The following LYPD6B variants were observed in gnomAD, a reference collection of about 807,000 sequenced individuals.
LYPD6B encodes the protein ly6/PLAUR domain-containing protein 6B.
Under a neutral mutation model 22.8 loss-of-function variants are expected in LYPD6B, and 17 were observed. That is an observed-to-expected ratio of 0.75 (90% CI 0.51 to 1.12). LYPD6B has a LOEUF of 1.12. LYPD6B is among the 50% of genes most tolerant of loss of function. The pLI is 0.00. For missense variants in LYPD6B, 221 were observed against 258.3 expected, an observed-to-expected ratio of 0.86 and a Z score of 0.99; for synonymous variants, 106 against 91.6, an observed-to-expected ratio of 1.16 and a Z score of -0.90.
At chr2:149,204,570 GT>G (rs1047109578) in intron 3 of LYPD6B, 18 of 154,378 alleles carry the variant, frequency 1.2e-4, no homozygotes, top group African/African-American at 4.3e-4. Flanking sequence ...TTATATGGTT[GT>G]CAGCTTTTCA....
At chr2:149,072,659 C>T (rs887307062) in intron 1 of LYPD6B, among the ~76,000 whole-genome samples, 12 of 152,096 alleles carry the variant, frequency 7.9e-5, no homozygotes, top group South Asian at 2.1e-4. Flanking sequence ...GCCTCAGCCT[C>T]CCCGGTAGCT....
intron 1 of LYPD6B, among the ~76,000 whole-genome samples, chr2:149,112,565 A>G (rs1184535733): frequency 6.6e-6 from 1 of 152,206 alleles, no homozygotes; most frequent in Non-Finnish European, 1.5e-5. Context: ...TCTGGCTCGC[A>G]TATACATCCC....
chr2:149,050,888 A>G (rs1216834936), intron 1 of LYPD6B, among the ~76,000 whole-genome samples: 1 of 152,162 alleles, frequency 6.6e-6, no homozygotes, highest in Non-Finnish European at 1.5e-5. Context: ...TAAAAACAAT[A>G]ACTTTTTTCT....
rs79120638 is a variant in LYPD6B, at chr2:149,114,127, T to C, written c.-66-16756T>C. On this transcript the variant is annotated intron_variant, in intron 1 of 6. Coordinates refer to ENST00000409642, the MANE Select transcript of LYPD6B (RefSeq NM_177964.5). ...TAGTTGAGGCTCTTGTTTGGTACTT[T>C]ACTCACATACCAGCCTCTAAATTAA... Among the ~76,000 whole-genome samples the C allele has an allele frequency of 3.7e-3, 563 of 152,288 alleles. 5 individuals carry two copies. Among genetic ancestry groups the C allele is most frequent in the African/African-American group, 0.012 (490 of 41,566 alleles).
chr2:149,127,994 AT>A (rs5835281), intron 1 of LYPD6B, among the ~76,000 whole-genome samples: 79,501 of 150,896 alleles, frequency 0.53, 21,138 homozygotes, highest in East Asian at 0.85. Flanking sequence ...GTAAATGATG[AT>A]TTTTTTTTTT....
chr2:149,057,596 G>T (rs957836322), intron 1 of LYPD6B, among the ~76,000 whole-genome samples: 1 of 152,018 alleles, frequency 6.6e-6, no homozygotes, highest in Non-Finnish European at 1.5e-5. Context: ...TTAAATGTTG[G>T]CTTCTCTCTT....
intron 1 of LYPD6B, among the ~76,000 whole-genome samples, chr2:149,092,240 A>T (rs1685689116): frequency 6.6e-6 from 1 of 151,974 alleles, no homozygotes; most frequent in Non-Finnish European, 1.5e-5. Flanking sequence ...TAATGTGTGG[A>T]TAGGGGAGAC....
chr2:149,042,477 A>G (rs1043442670), intron 1 of LYPD6B, among the ~76,000 whole-genome samples: 4 of 152,194 alleles, frequency 2.6e-5, no homozygotes, highest in Non-Finnish European at 4.4e-5. Context: ...GCAGAAGTGG[A>G]GGGCAGCATA....
At chr2:149,039,221 G>A (rs1303942837) in intron 1 of LYPD6B, among the ~76,000 whole-genome samples, 5 of 152,254 alleles carry the variant, frequency 3.3e-5, no homozygotes, top group Non-Finnish European at 1.5e-5. Context: ...AAGAGCGAGC[G>A]TGCCAGCTCC....
rs869074241 is a variant in LYPD6B, at chr2:149,120,383, A to ATTTTTTTTTTT, written c.-66-10491_-66-10481dup. ...TGTGTATATATATATATATATATATATTTTTTTTTTTTTTTTTTTGAGATG... is the reference window on the plus strand; with the variant it reads ...TGTGTATATATATATATATATATATATTTTTTTTTTTTTTTTTTTTTTTTTTTTTTGAGATG... On this transcript the variant is annotated intron_variant, in intron 1 of 6. Transcript: ENST00000409642. 2.5e-4 allele frequency among the ~76,000 whole-genome samples: 12 copies of ATTTTTTTTTTT among 48,614 alleles called. 1 individual carries two copies. Among genetic ancestry groups the ATTTTTTTTTTT allele is most frequent in the African/African-American group, 3.2e-4 (3 of 9,404 alleles). The allele number at this position is 48,614 out of a possible 152,430, so 31.9% of individuals were successfully genotyped here. A position where few individuals can be genotyped will look rare whatever the true frequency, so the allele number is the denominator to read the frequency against.
At chr2:149,136,719 G>A (rs1688393433) in intron 2 of LYPD6B, among the ~76,000 whole-genome samples, 1 of 152,196 alleles carries the variant, frequency 6.6e-6, no homozygotes, top group African/African-American at 2.4e-5. Flanking sequence ...TGACTTATAA[G>A]CTTTGTGAGA....
intron 1 of LYPD6B, among the ~76,000 whole-genome samples, chr2:149,113,318 G>A (rs1319076407): frequency 6.6e-6 from 1 of 152,140 alleles, no homozygotes; most frequent in Admixed American, 6.6e-5. Flanking sequence ...GATGTGGAAT[G>A]CTTAAAAGTT....
chr2:149,149,712 C>T (rs1689248491), intron 2 of LYPD6B, among the ~76,000 whole-genome samples: 2 of 152,178 alleles, frequency 1.3e-5, no homozygotes, highest in South Asian at 4.1e-4. Context: ...TGTATAACCT[C>T]CCCTACTTCT....
intron 3 of LYPD6B, among the ~76,000 whole-genome samples, chr2:149,168,085 C>T (rs1690551085): frequency 6.6e-6 from 1 of 151,668 alleles, no homozygotes; most frequent in Non-Finnish European, 1.5e-5. Context: ...GGGCATTTGC[C>T]TGTAGTCTCA....
intron 1 of LYPD6B, among the ~76,000 whole-genome samples, chr2:149,123,002 G>A (rs1016830878): frequency 6.6e-6 from 1 of 152,124 alleles, no homozygotes; most frequent in East Asian, 1.9e-4. Flanking sequence ...AAAAAATCAC[G>A]GTAGATTTAG....
chr2:149,053,225 G>T (rs1369943666), intron 1 of LYPD6B, among the ~76,000 whole-genome samples: 1 of 152,002 alleles, frequency 6.6e-6, no homozygotes, highest in Non-Finnish European at 1.5e-5. Context: ...AACAAAATAG[G>T]ATCATACTGC....
chr2:149,106,557 G>T, intron 1 of LYPD6B, among the ~76,000 whole-genome samples: 1 of 151,956 alleles, frequency 6.6e-6, no homozygotes, highest in Admixed American at 6.6e-5. Flanking sequence ...TGAAATTACT[G>T]GTATAAAGTT....
At chr2:149,110,726 T>C (rs1424925079) in intron 1 of LYPD6B, among the ~76,000 whole-genome samples, 4 of 152,218 alleles carry the variant, frequency 2.6e-5, no homozygotes, top group African/African-American at 9.6e-5. Flanking sequence ...TTTTTGAATA[T>C]GGACAATGTG....
At chr2:149,152,501 C>T (rs908191121) in intron 2 of LYPD6B, among the ~76,000 whole-genome samples, 2 of 152,194 alleles carry the variant, frequency 1.3e-5, no homozygotes, top group Non-Finnish European at 2.9e-5. Context: ...CACAAATCAA[C>T]TTCTTGGTTG....
Sources: allele counts gnomAD v4.1 joint callset (sites outside exome capture counted in the v4.1 genomes callset), GRCh38; gene constraint gnomAD v4.1.1; transcripts MANE v1.5; gene names NCBI Gene and HGNC (gene_info 2026-07-23, HGNC 2026-07-21).